The following CTNNA3 variants were observed in gnomAD, a reference collection of about 807,000 sequenced individuals.
CTNNA3 encodes catenin alpha-3.
Under a neutral mutation model 95.7 loss-of-function variants are expected in CTNNA3, and 76 were observed. That is an observed-to-expected ratio of 0.79 (90% CI 0.66 to 0.96). CTNNA3 has a LOEUF of 0.96. Among genes scored for constraint, CTNNA3 ranks in the 40% least tolerant of loss-of-function variants. The probability of loss-of-function intolerance (pLI) is 0.00; values close to 1 mark genes in which losing one functional copy is unlikely to be tolerated. For missense variants in CTNNA3, 1,191 were observed against 1,089.8 expected, an observed-to-expected ratio of 1.09 and a Z score of -1.31; for synonymous variants, 431 against 374.4, an observed-to-expected ratio of 1.15 and a Z score of -1.74.
intron 8 of CTNNA3, among the ~76,000 whole-genome samples, chr10:66,771,748 T>C (rs1840094790): frequency 6.6e-6 from 1 of 152,172 alleles, no homozygotes; most frequent in Non-Finnish European, 1.5e-5. Flanking sequence ...TGAATATGCT[T>C]GGTAGAGAGC....
chr10:66,125,185 T>C (rs1237309508), intron 13 of CTNNA3, among the ~76,000 whole-genome samples: 1 of 152,054 alleles, frequency 6.6e-6, no homozygotes, highest in African/African-American at 2.4e-5. Context: ...AGAGAAGCAC[T>C]AAATGAAGGT....
intron 9 of CTNNA3, among the ~76,000 whole-genome samples, chr10:66,647,740 C>A (rs1425140891): frequency 6.6e-6 from 1 of 151,042 alleles, no homozygotes; most frequent in East Asian, 2.0e-4. Context: ...AGGATGGTCT[C>A]GATCTTCTGA....
intron 5 of CTNNA3, among the ~76,000 whole-genome samples, chr10:67,449,900 A>T (rs1182196207): frequency 6.6e-6 from 1 of 151,998 alleles, no homozygotes; most frequent in Non-Finnish European, 1.5e-5. Flanking sequence ...TTGCAAACTA[A>T]CAAAGGTCTG....
intron 5 of CTNNA3, among the ~76,000 whole-genome samples, chr10:67,429,158 A>G (rs1307946503): frequency 6.6e-6 from 1 of 151,968 alleles, no homozygotes; most frequent in Non-Finnish European, 1.5e-5. Context: ...TTTGTCTAGT[A>G]TTAAGTTACT....
chr10:66,042,849 G>A (rs7909372), intron 15 of CTNNA3, among the ~76,000 whole-genome samples: 35,535 of 135,668 alleles, frequency 0.26, 4,599 homozygotes, highest in Admixed American at 0.33. Context: ...GCAGTGAGCC[G>A]AGATCGCTCT....
At chr10:67,601,268 T>G (rs556537570) in intron 3 of CTNNA3, among the ~76,000 whole-genome samples, 1 of 152,296 alleles carries the variant, frequency 6.6e-6, no homozygotes, top group East Asian at 1.9e-4. Flanking sequence ...ATATAATTTT[T>G]CCACAGATGG....
intron 12 of CTNNA3, among the ~76,000 whole-genome samples, chr10:66,341,588 T>C (rs2092453379): frequency 6.6e-6 from 1 of 151,966 alleles, no homozygotes; most frequent in African/African-American, 2.4e-5. Context: ...ACATAGTAAA[T>C]TGTACTTTAG....
At chr10:66,382,800 G>C (rs929276547) in intron 11 of CTNNA3, among the ~76,000 whole-genome samples, 1 of 152,072 alleles carries the variant, frequency 6.6e-6, no homozygotes, top group African/African-American at 2.4e-5. Context: ...AGGCAAACAG[G>C]GTCTGTAGTA....
intron 10 of CTNNA3, among the ~76,000 whole-genome samples, chr10:66,576,216 T>A (rs1180931098): frequency 6.6e-6 from 1 of 152,146 alleles, no homozygotes; most frequent in East Asian, 1.9e-4. Flanking sequence ...TTGTTAAGAA[T>A]ACAGTTTTAG....
chr10:65,930,893 C>G (rs923020235), intron 17 of CTNNA3, among the ~76,000 whole-genome samples: 1 of 152,088 alleles, frequency 6.6e-6, no homozygotes, highest in African/African-American at 2.4e-5. Context: ...GCTGCAAGAG[C>G]AATGGGATGC....
intron 6 of CTNNA3, among the ~76,000 whole-genome samples, chr10:67,182,160 T>C (rs1862585023): frequency 6.6e-6 from 1 of 152,180 alleles, no homozygotes; most frequent in Non-Finnish European, 1.5e-5. Flanking sequence ...AAGCTACCAA[T>C]GACTTTCTTC....
At chr10:66,309,907 AAATAAATAAAT>A (rs1238288477) in intron 12 of CTNNA3, among the ~76,000 whole-genome samples, 1 of 17,258 alleles carries the variant, frequency 5.8e-5, no homozygotes, top group Non-Finnish European at 1.4e-4. Flanking sequence ...AAGATACAAA[AAATAAATAAAT>A]AAATAAATAA....
chr10:67,238,651 T>C (rs1332907731), intron 5 of CTNNA3, among the ~76,000 whole-genome samples: 1 of 152,116 alleles, frequency 6.6e-6, no homozygotes, highest in Non-Finnish European at 1.5e-5. Context: ...AAAGGGGAAA[T>C]TTTTATTGGA....
Position 65,918,021 on chromosome 10 carries a change from T to C in CTNNA3, c.*2309A>G, listed in dbSNP as rs1170623562. 1 of 152,144 alleles carries C rather than the reference T, an allele frequency of 6.6e-6. No individual in the cohort carries two copies. The highest frequency in any genetic ancestry group is 2.4e-5 in the African/African-American group (1 of 41,440). 9.4% of individuals were successfully genotyped at this position (152,144 alleles called of 1,614,324 possible). On this transcript the variant is annotated 3_prime_UTR_variant, in exon 18 of 18. Transcript: ENST00000433211. ...ATTAACTCCTAGGATATTCATTGAG[T>C]TAAAATTTTTATTGTTTTATTTAAT...
chr10:67,562,372 G>T (rs1425620239), intron 3 of CTNNA3, among the ~76,000 whole-genome samples: 1 of 152,092 alleles, frequency 6.6e-6, no homozygotes, highest in Admixed American at 6.6e-5. Flanking sequence ...CATACAAACA[G>T]AACCAAAGAC....
At chr10:66,573,574 T>C (rs577274796) in intron 10 of CTNNA3, among the ~76,000 whole-genome samples, 15 of 152,328 alleles carry the variant, frequency 9.8e-5, no homozygotes, top group Non-Finnish European at 2.1e-4. Context: ...AATTCTTCTT[T>C]ATGGCTTATT....
chr10:67,751,149 C>T, intron 1 of CTNNA3: 1 of 1,307,044 alleles, frequency 7.7e-7, no homozygotes, highest in Admixed American at 1.7e-5. Flanking sequence ...GGCAACCACA[C>T]TCAGCTTCAA....
intron 7 of CTNNA3, among the ~76,000 whole-genome samples, chr10:67,150,251 A>T (rs1419755930): frequency 6.6e-6 from 1 of 152,180 alleles, no homozygotes; most frequent in Non-Finnish European, 1.5e-5. Flanking sequence ...TGGAATTTTG[A>T]TTTGCAAACA....
intron 5 of CTNNA3, among the ~76,000 whole-genome samples, chr10:67,371,392 A>G (rs1477469730): frequency 6.8e-5 from 3 of 44,390 alleles, no homozygotes; most frequent in Admixed American, 3.2e-4. Context: ...CCCCCATCCC[A>G]CAACAGGCCC....
Sources: allele counts gnomAD v4.1 joint callset (sites outside exome capture counted in the v4.1 genomes callset), GRCh38; gene constraint gnomAD v4.1.1; transcripts MANE v1.5; gene names NCBI Gene and HGNC (gene_info 2026-07-23, HGNC 2026-07-21).